ACAD10: variants seen among roughly 807,000 people sequenced by gnomAD.
The protein encoded by ACAD10 is acyl-CoA dehydrogenase family member 10.
ACAD10 carries 112 observed loss-of-function variants against 116.8 expected under a neutral mutation model. The observed-to-expected ratio is 0.96, with a 90% CI of 0.82 to 1.12. The LOEUF (loss-of-function observed/expected upper bound fraction) is 1.12, where lower values mean the gene tolerates loss of function less well. ACAD10 is among the 50% of genes most tolerant of loss of function. The pLI, the probability that ACAD10 is intolerant of heterozygous loss-of-function variation, is 0.00. For synonymous variants in ACAD10, 486 were observed against 510.6 expected (o/e 0.95, Z 0.65); for missense variants, 1,259 against 1,350.2 (o/e 0.93, Z 1.06).
intron 2 of ACAD10, among the ~76,000 whole-genome samples, chr12:111,697,032 G>C (rs572462597): frequency 6.6e-6 from 1 of 151,162 alleles, no homozygotes; most frequent in Admixed American, 6.6e-5. Context: ...AGTGAGCCTA[G>C]ATGGCACCAC....
At position 111,702,305 on chromosome 12, in the gene ACAD10, G is replaced by A. The variant is rs781450340; in HGVS notation, c.331G>A (p.Glu111Lys). Residue 111 changes from glutamate to lysine, a missense_variant, in exon 3 of 21, where the codon GAA (glutamate) becomes AAA (lysine). Glu to Lys is a moderately conservative substitution (Grantham distance 56). Coordinates refer to ENST00000313698, the MANE Select transcript of ACAD10 (RefSeq NM_025247.6). ...FLREFGRLCS[E>K]MLKTSVPVDS... ...ACGAGAATTTGGGAGACTTTGCTCT[G>A]AAATGGTGAGTGGTAAACATACCTA... is the stretch of plus-strand genomic sequence containing the variant. 2 of 1,614,100 alleles carry A rather than the reference G, an allele frequency of 1.2e-6. No individual in the cohort carries two copies. The highest frequency in any genetic ancestry group is 1.7e-6 in the Non-Finnish European group (2 of 1,180,000).
In ACAD10 at chr12:111,749,188, T is replaced by G; in HGVS notation, c.2660T>G (p.Val887Gly). ...LEDAPGGHGE[V>G]RFEHVRVPKE... is the part of the protein sequence containing the mutation. ...GGTCTTTCAGGTGGCCATGGTGAAGTCCGATTTGAGCACGTGCGTGTGCCC... is the reference window on the plus strand; with the variant it reads ...GGTCTTTCAGGTGGCCATGGTGAAGGCCGATTTGAGCACGTGCGTGTGCCC... Residue 887 changes from valine (V) to glycine (G), a missense_variant, in exon 18 of 21, where the codon GTC becomes GGC. Transcript: ENST00000313698. 6.2e-7 allele frequency: 1 copy of G among 1,613,018 alleles called. No homozygotes were observed. Among genetic ancestry groups the G allele is most frequent in the Non-Finnish European group, 8.5e-7 (1 of 1,179,126 alleles).
intron 4 of ACAD10, among the ~76,000 whole-genome samples, chr12:111,706,712 A>G (rs1888516143): frequency 6.6e-6 from 1 of 150,446 alleles, no homozygotes; most frequent in African/African-American, 2.4e-5. Flanking sequence ...CAGCCTCTCA[A>G]AGTGCTGGGA....
At chr12:111,723,357 TCCAGGCGGGGGGCTGA>T (rs1467601160) in intron 8 of ACAD10, among the ~76,000 whole-genome samples, 2 of 82,754 alleles carry the variant, frequency 2.4e-5, no homozygotes, top group African/African-American at 9.5e-5. Flanking sequence ...GGGGCGGCTG[TCCAGGCGGGGGGCTGA>T]CCCCCCCACC....
intron 7 of ACAD10, among the ~76,000 whole-genome samples, chr12:111,719,037 AGAGATTGCAGTGAGCG>A (rs1888933512): frequency 6.6e-6 from 1 of 151,892 alleles, no homozygotes; most frequent in African/African-American, 2.4e-5. Flanking sequence ...CCCAGGAGGC[AGAGATTGCAGTGAGCG>A]GAGATTGCAG....
chr12:111,748,419 C>A lies in ACAD10; in HGVS notation c.2588C>A (p.Thr863Asn). The A allele has an allele frequency of 6.2e-7, 1 of 1,614,098 alleles. No homozygotes were observed. The highest frequency in any genetic ancestry group is 8.5e-7 in the Non-Finnish European group (1 of 1,180,024). The change falls in exon 17 of 21, where the codon ACC becomes AAC. Residue 863 changes from threonine (T) to asparagine (N), a missense_variant. Thr to Asn is a moderately conservative substitution (Grantham distance 65, BLOSUM62 0). Coordinates refer to ENST00000313698, the MANE Select transcript of ACAD10 (RefSeq NM_025247.6). Reference sequence around the variant, plus strand: ...TCTGTGCTCTTGGTTCCCATGGATACCCCAGGGATAAAAATCATCCGGCCT... The same window carrying A: ...TCTGTGCTCTTGGTTCCCATGGATAACCCAGGGATAAAAATCATCCGGCCT... ...QQSVLLVPMD[T>N]PGIKIIRPLT...
intron 12 of ACAD10, 39 bp from the exon 13 acceptor site, chr12:111,744,604 G>A (rs199911682): frequency 1.6e-5 from 25 of 1,582,654 alleles, no homozygotes; most frequent in South Asian, 3.5e-5. Context: ...ATGATGGGTC[G>A]TGTGGGAGTA....
At chr12:111,719,858 G>A (rs1483529044) in intron 7 of ACAD10, among the ~76,000 whole-genome samples, 1 of 152,122 alleles carries the variant, frequency 6.6e-6, no homozygotes, top group Non-Finnish European at 1.5e-5. Flanking sequence ...CTCCCGAGTA[G>A]ATGGGACTAC....
chr12:111,756,339 G>A lies in ACAD10; in HGVS notation c.3046G>A (p.Gly1016Arg). ...TCCACTCTGTGTCTGCCAGGCCTTT[G>A]GAGCAGCAGGCCTGAGCAGCGACTA... ...RVIDRAIQAF[G>R]AAGLSSDYPL... The change falls in exon 21 of 21, where the codon GGA becomes AGA. Residue 1016 changes from glycine to arginine, a missense_variant. Physicochemically the swap from Gly to Arg is moderately radical, Grantham distance 125. Coordinates refer to ENST00000313698, the MANE Select transcript of ACAD10 (RefSeq NM_025247.6). 1 of 1,600,222 alleles carries A rather than the reference G, an allele frequency of 6.2e-7. No individual in the cohort carries two copies. The highest frequency in any genetic ancestry group is 8.5e-7 in the Non-Finnish European group (1 of 1,175,188).
At chr12:111,734,675 A>G (rs930660132) in intron 11 of ACAD10, among the ~76,000 whole-genome samples, 1 of 152,220 alleles carries the variant, frequency 6.6e-6, no homozygotes, top group African/African-American at 2.4e-5. Context: ...GAGCCAACAG[A>G]TAGCAACAAC....
At position 111,709,588 on chromosome 12, in the gene ACAD10, G is replaced by A. The variant is rs761001952; in HGVS notation, c.594G>A (p.Leu198=). 12 of 1,613,798 alleles carry A rather than the reference G, an allele frequency of 7.4e-6. No individual in the cohort carries two copies. The Admixed American group carries it at 1.8e-4, about 25-fold the overall frequency. Residue 198 remains leucine (L), a synonymous_variant, in exon 5 of 21, where the codon TTG becomes TTA. Transcript: ENST00000313698. ...ACCCTAGGATCTACAAGCTGTGCTT[G>A]GAGCAGCTCGGCCTGCAGCCCTCTG... is the stretch of plus-strand genomic sequence containing the variant. ...KPDPRIYKLC[L]EQLGLQPSES... is the part of the protein sequence containing the mutation.
chr12:111,730,005 A>G (rs758685679), intron 10 of ACAD10, 49 bp downstream of exon 10: 1 of 1,589,448 alleles, frequency 6.3e-7, no homozygotes, highest in African/African-American at 1.3e-5. Flanking sequence ...AGGATGCTCC[A>G]AGGGGGAATT....
intron 3 of ACAD10, among the ~76,000 whole-genome samples, chr12:111,704,194 T>C (rs1270973176): frequency 1.3e-5 from 2 of 151,230 alleles, no homozygotes; most frequent in Non-Finnish European, 2.9e-5. Flanking sequence ...CAGGCTGGAG[T>C]GCAGTGGAGC....
intron 12 of ACAD10, 139 bp from the exon 13 acceptor site, chr12:111,744,504 G>A: frequency 4.9e-6 from 5 of 1,016,984 alleles, no homozygotes; most frequent in Non-Finnish European, 7.2e-6. Context: ...GAGCTATAGT[G>A]GCTCTTAGCA....
chr12:111,694,469 C>T (rs1027508240), intron 2 of ACAD10, among the ~76,000 whole-genome samples: 1 of 151,356 alleles, frequency 6.6e-6, no homozygotes, highest in Non-Finnish European at 1.5e-5. Flanking sequence ...ACCACTGCAC[C>T]CCAGACTGGC....
chr12:111,688,952 G>A (rs1336540697), intron 1 of ACAD10, among the ~76,000 whole-genome samples: 1 of 152,140 alleles, frequency 6.6e-6, no homozygotes, highest in Non-Finnish European at 1.5e-5. Context: ...CAGCACTTAG[G>A]GAGGCCAAGG....
At chr12:111,703,899 C>T (rs1295837754) in intron 3 of ACAD10, among the ~76,000 whole-genome samples, 1 of 146,364 alleles carries the variant, frequency 6.8e-6, no homozygotes, top group Non-Finnish European at 1.5e-5. Context: ...ATATATTTTC[C>T]ACAATTTATA....
chr12:111,697,431 G>C (rs1888219911), intron 2 of ACAD10, among the ~76,000 whole-genome samples: 1 of 148,440 alleles, frequency 6.7e-6, no homozygotes, highest in Non-Finnish European at 1.5e-5. Context: ...CGTGATCTTG[G>C]CTCACTGCAA....
intron 8 of ACAD10, among the ~76,000 whole-genome samples, chr12:111,723,243 C>T (rs1593035145): frequency 7.6e-6 from 1 of 132,316 alleles, no homozygotes. Flanking sequence ...GGCAGAGGGG[C>T]TCCTCACTTC....
Sources: gnomAD v4.1 joint callset for allele counts (sites outside exome capture counted in the v4.1 genomes callset) on GRCh38, gnomAD v4.1.1 for gene constraint, MANE v1.5 for transcripts, NCBI Gene and HGNC (gene_info 2026-07-23, HGNC 2026-07-21) for gene names.